UXS1: variants seen among roughly 807,000 people sequenced by gnomAD.
UXS1 encodes the protein UDP-glucuronate decarboxylase 1.
UXS1 carries 33 observed loss-of-function variants against 62.6 expected under a neutral mutation model. The observed-to-expected ratio is 0.53, with a 90% CI of 0.40 to 0.70. The LOEUF (loss-of-function observed/expected upper bound fraction) is 0.70. UXS1 is among the 30% of genes least tolerant of loss of function. The pLI is 0.00. For synonymous variants in UXS1, 213 were observed against 206.8 expected, an observed-to-expected ratio of 1.03 and a Z score of -0.26; for missense variants, 434 against 556.3, an observed-to-expected ratio of 0.78 and a Z score of 2.21.
intron 5 of UXS1, 46 bp downstream of exon 5, chr2:106,158,012 G>GA: frequency 6.8e-7 from 1 of 1,464,846 alleles, no homozygotes; most frequent in Non-Finnish European, 9.3e-7. Flanking sequence ...AACGAAAAAA[G>GA]AAAGTTTCTT....
chr2:106,107,145 A>G (rs990353036), intron 10 of UXS1, among the ~76,000 whole-genome samples: 1 of 152,144 alleles, frequency 6.6e-6, no homozygotes, highest in Non-Finnish European at 1.5e-5. Flanking sequence ...CTCTGTCTGC[A>G]TCCGGGGCTC....
chr2:106,125,930 G>C (rs1156442933), intron 7 of UXS1, among the ~76,000 whole-genome samples: 1 of 152,212 alleles, frequency 6.6e-6, no homozygotes, highest in Non-Finnish European at 1.5e-5. Flanking sequence ...GAATCTGTTA[G>C]TTTGATAAAG....
intron 6 of UXS1, among the ~76,000 whole-genome samples, chr2:106,142,923 ATG>A (rs141333004): frequency 1.2e-3 from 177 of 148,860 alleles, no homozygotes; most frequent in Middle Eastern, 3.4e-3. Flanking sequence ...GTTTGCATGT[ATG>A]TGTGTGTGTG....
intron 6 of UXS1, among the ~76,000 whole-genome samples, chr2:106,137,383 C>T (rs1454389510): frequency 6.6e-6 from 1 of 152,326 alleles, no homozygotes; most frequent in Non-Finnish European, 1.5e-5. Context: ...AGCTCCAGGG[C>T]TGCAGGTAGA....
At chr2:106,145,475 A>C in intron 5 of UXS1, 105 bp from the exon 6 acceptor site, 1 of 1,386,610 alleles carries the variant, frequency 7.2e-7, no homozygotes, top group Admixed American at 2.9e-5. Flanking sequence ...ACGACTTAAA[A>C]CTCAGGAGCA....
At chr2:106,157,717 G>A (rs1307314385) in intron 5 of UXS1, among the ~76,000 whole-genome samples, 1 of 152,246 alleles carries the variant, frequency 6.6e-6, no homozygotes, top group Admixed American at 6.5e-5. Flanking sequence ...ACTGATTGAT[G>A]CTACAGCTGA....
Position 106,194,301 on chromosome 2 carries a change from C to A in UXS1, c.-60G>T, listed in dbSNP as rs1459033135. 1.3e-5 allele frequency: 13 copies of A among 993,634 alleles called. No individual in the cohort carries two copies. Among genetic ancestry groups the A allele is most frequent in the Non-Finnish European group, 1.6e-5 (13 of 802,646 alleles). 61.6% of individuals were successfully genotyped at this position (993,634 alleles called of 1,614,324 possible). On this transcript the variant is annotated 5_prime_UTR_variant, in exon 1 of 15. Transcript: ENST00000283148. ...GCGGGGGCCCGCCTGCTGCACAATG[C>A]GCGGCGGCGGCGGCGGCAGCGGCCC...
chr2:106,102,451 C>A (rs141235695), intron 11 of UXS1: 34 of 152,284 alleles, frequency 2.2e-4, no homozygotes, highest in Admixed American at 5.2e-4. Flanking sequence ...TTTTACATGA[C>A]AAACTGGCAA....
intron 5 of UXS1, among the ~76,000 whole-genome samples, chr2:106,153,473 G>A (rs1424651342): frequency 6.6e-6 from 1 of 152,180 alleles, no homozygotes; most frequent in Non-Finnish European, 1.5e-5. Flanking sequence ...CTTCACACTG[G>A]AGTGGCGGGG....
chr2:106,181,607 C>T (rs1349294781), intron 1 of UXS1, among the ~76,000 whole-genome samples: 2 of 152,222 alleles, frequency 1.3e-5, no homozygotes, highest in East Asian at 1.9e-4. Flanking sequence ...TAGTCTCCTA[C>T]TCAGGAGACT....
At chr2:106,117,848 C>T (rs1679183663) in intron 9 of UXS1, among the ~76,000 whole-genome samples, 2 of 152,272 alleles carry the variant, frequency 1.3e-5, no homozygotes, top group Non-Finnish European at 2.9e-5. Flanking sequence ...ACTAAGGCGA[C>T]TGCAGAATGC....
At chr2:106,162,827 G>T (rs533301241) in intron 4 of UXS1, among the ~76,000 whole-genome samples, 1 of 152,168 alleles carries the variant, frequency 6.6e-6, no homozygotes, top group African/African-American at 2.4e-5. Flanking sequence ...TTCTCCAGTC[G>T]TATTTCCCTT....
intron 9 of UXS1, among the ~76,000 whole-genome samples, chr2:106,120,877 C>T (rs948633019): frequency 4.6e-5 from 7 of 152,336 alleles, no homozygotes; most frequent in African/African-American, 1.7e-4. Flanking sequence ...GGGACACCTT[C>T]CCGACAGGGT....
chr2:106,138,053 G>A (rs562125303), intron 6 of UXS1: 1 of 400,278 alleles, frequency 2.5e-6, no homozygotes, highest in South Asian at 1.0e-4. Context: ...TTACTCTTGA[G>A]GTGACAAGGT....
At chr2:106,165,308 C>T (rs557843107) in intron 2 of UXS1, among the ~76,000 whole-genome samples, 2 of 152,298 alleles carry the variant, frequency 1.3e-5, no homozygotes, top group South Asian at 4.1e-4. Context: ...CAAAACCCAA[C>T]TCCACATGAA....
At chr2:106,112,804 G>A (rs1179482621) in intron 9 of UXS1, 39 bp from the exon 10 acceptor site, 1 of 1,600,510 alleles carries the variant, frequency 6.2e-7, no homozygotes, top group Non-Finnish European at 8.5e-7. Context: ...GTGCTCCCCT[G>A]TGTGGTCCAC....
intron 9 of UXS1, among the ~76,000 whole-genome samples, chr2:106,113,805 A>G (rs565737796): frequency 2.0e-5 from 3 of 152,236 alleles, no homozygotes; most frequent in Non-Finnish European, 4.4e-5. Flanking sequence ...TCCACCGCTC[A>G]CTGCCCAGGC....
intron 7 of UXS1, among the ~76,000 whole-genome samples, chr2:106,129,373 G>A (rs1279451510): frequency 6.6e-6 from 1 of 152,160 alleles, no homozygotes; most frequent in East Asian, 1.9e-4. Context: ...GGGCAGGCTG[G>A]GTGGTTGGTC....
In UXS1 at chr2:106,156,715, A is replaced by G. The variant is rs1023056522; in HGVS notation, c.291+1343T>C. 6.2e-4 allele frequency among the ~76,000 whole-genome samples: 95 copies of G among 152,204 alleles called. 1 individual carries two copies. The highest frequency in any genetic ancestry group is 2.2e-3 in the African/African-American group (91 of 41,436). ...ACCTAATACAATGTAAATGTTATGT[A>G]AAAATGTTATACTGTATTGTTTAGG... On this transcript the variant is annotated intron_variant, in intron 5 of 14. Transcript: ENST00000283148.
Sources: allele counts gnomAD v4.1 joint callset (sites outside exome capture counted in the v4.1 genomes callset), GRCh38; gene constraint gnomAD v4.1.1; transcripts MANE v1.5; gene names NCBI Gene and HGNC (gene_info 2026-07-23, HGNC 2026-07-21).